AP5B1: variants seen among roughly 807,000 people sequenced by gnomAD.
AP5B1 encodes adaptor related protein complex 5 subunit beta 1.
In AP5B1, 3 loss-of-function variants were observed where a neutral mutation model predicts 5.7. The ratio of observed to expected loss-of-function variants is 0.53; its 90% confidence interval spans 0.24 to 1.36. The LOEUF (loss-of-function observed/expected upper bound fraction) is 1.36. Among genes scored for constraint, AP5B1 ranks in the 40% most tolerant of loss-of-function variants. The pLI, the probability that AP5B1 is intolerant of heterozygous loss-of-function variation, is 0.17. For synonymous variants in AP5B1, 696 were observed against 555.5 expected, an observed-to-expected ratio of 1.25 and a Z score of -3.56; for missense variants, 1,310 against 1,143.2, an observed-to-expected ratio of 1.15 and a Z score of -2.10.
At position 65,778,913 on chromosome 11, in the gene AP5B1, A is replaced by G. The variant is rs777936503; in HGVS notation, c.1580T>C (p.Val527Ala). 6.2e-6 allele frequency: 10 copies of G among 1,611,440 alleles called. No individual in the cohort carries two copies. The African/African-American group carries it at 1.1e-4, about 17-fold the overall frequency. Residue 527 changes from valine (V) to alanine (A), a missense_variant, in exon 2 of 2, where the codon GTG (valine) becomes GCG (alanine). By Grantham distance (64) the Val-to-Ala change is moderately conservative (BLOSUM62 0). Coordinates refer to ENST00000532090, the MANE Select transcript of AP5B1 (RefSeq NM_138368.5). ...EPLKVVLRQV[V>A]VSRPGRDEAL... The stretch of plus-strand genomic sequence containing the variant: ...TTCATCCCTGCCCGGCCTGGACACC[A>G]CCACCTGCCGCAACACCACCTTCAG...
rs977413057 is a variant in AP5B1 at position 65,774,122 on chromosome 11, A to G, written c.*3734T>C. Among the ~76,000 whole-genome samples the G allele has an allele frequency of 8.5e-5, 13 of 152,246 alleles. No individual in the cohort carries two copies. Among genetic ancestry groups the G allele is most frequent in the Non-Finnish European group, 1.6e-4 (11 of 68,044 alleles). ...AAAGGGATGGGGTATAACAAGTTGC[A>G]TCTGACCTCCCAACCCATCAGGGCC... On this transcript the variant is annotated 3_prime_UTR_variant, in exon 2 of 2. Transcript: ENST00000532090.
chr11:65,777,994 G>T lies in AP5B1; in HGVS notation c.2499C>A (p.His833Gln), dbSNP rs756710433. 59 of 1,611,324 alleles carry T rather than the reference G, an allele frequency of 3.7e-5. No homozygotes were observed. The highest frequency in any genetic ancestry group is 4.7e-5 in the Non-Finnish European group (56 of 1,179,354). The change falls in exon 2 of 2, where the codon CAC (histidine) becomes CAA (glutamine). Residue 833 changes from histidine (H) to glutamine (Q), a missense_variant. Physicochemically the swap from His to Gln is conservative, Grantham distance 24. Transcript: ENST00000532090. ...QPPTSYCVAI[H>Q]LPPDSKLLLR... Reference sequence around the variant, plus strand: ...GCAGCAGCTTTGAGTCCGGGGGCAGGTGGATTGCTACACAGTAGCTGGTAG... The same window carrying T: ...GCAGCAGCTTTGAGTCCGGGGGCAGTTGGATTGCTACACAGTAGCTGGTAG...
At position 65,778,969 on chromosome 11, in the gene AP5B1, C is replaced by A; in HGVS notation, c.1524G>T (p.Leu508Phe). 1 of 1,612,752 alleles carries A rather than the reference C, an allele frequency of 6.2e-7. No individual in the cohort carries two copies. Among genetic ancestry groups the A allele is most frequent in the Non-Finnish European group, 8.5e-7 (1 of 1,179,764 alleles). ...CCCTCAGCTCAGAGTCCACCTGATC[C>A]AAGAGGTCCACAAAGTGGGGAGCCA... ...PMLAPHFVDL[L>F]DQVDSELREP... is the part of the protein sequence containing the mutation. Residue 508 changes from leucine to phenylalanine, a missense_variant, in exon 2 of 2, where the codon TTG (leucine) becomes TTT (phenylalanine). Leu to Phe is a conservative substitution (Grantham distance 22). Transcript: ENST00000532090.
In AP5B1 at chr11:65,775,881, C is replaced by T. The variant is rs757428378; in HGVS notation, c.*1975G>A. On this transcript the variant is annotated 3_prime_UTR_variant, in exon 2 of 2. Coordinates refer to ENST00000532090, the MANE Select transcript of AP5B1 (RefSeq NM_138368.5). ...TCCACCTATTAACAGTACCACTGTC[C>T]CAGGCCCTTTCTTTTTTTTCTTTTT... The T allele has an allele frequency of 2.0e-5, 3 of 152,110 alleles. No homozygotes were observed. The highest frequency in any genetic ancestry group is 4.8e-5 in the African/African-American group (2 of 41,394). The allele number at this position is 152,110 out of a possible 1,614,324, so 9.4% of individuals were successfully genotyped here.
chr11:65,779,598 CCCGCAGGGCCCAGCCCAGCAG>C lies in AP5B1; in HGVS notation c.874_894del (p.Leu292_Arg298del). On this transcript the variant is annotated inframe_deletion, in exon 2 of 2. Coordinates refer to ENST00000532090, the MANE Select transcript of AP5B1 (RefSeq NM_138368.5). ...AGTGCCGGTGGCTGTCCCTGCAGAC[CCCGCAGGGCCCAGCCCAGCAG>C]CCACAGGAGCTGGGCCTGGGCCACA... The C allele has an allele frequency of 1.2e-6, 2 of 1,606,154 alleles. No individual in the cohort carries two copies. The highest frequency in any genetic ancestry group is 3.4e-5 in the Admixed American group (2 of 59,538).
rs777750328 is a variant in AP5B1 at position 65,780,351 on chromosome 11, G to A, written c.151-9C>T. 16 of 1,460,342 alleles carry A rather than the reference G, an allele frequency of 1.1e-5. No homozygotes were observed. The highest frequency in any genetic ancestry group is 1.8e-4 in the Middle Eastern group (1 of 5,642). The allele number at this position is 1,460,342 out of a possible 1,614,324, so 90.5% of individuals were successfully genotyped here. ...AGGGCCAGCAGGGAAACCTGGATGGGGGATTAGGAGGGAATCACGAAGATG... is the reference window on the plus strand; with the variant it reads ...AGGGCCAGCAGGGAAACCTGGATGGAGGATTAGGAGGGAATCACGAAGATG... On this transcript the variant is annotated splice_polypyrimidine_tract_variant and intron_variant, in intron 1 of 1. Coordinates refer to ENST00000532090, the MANE Select transcript of AP5B1 (RefSeq NM_138368.5).
chr11:65,779,803 C>G lies in AP5B1; in HGVS notation c.690G>C (p.Glu230Asp). ...CCTGGGGCTGAAGGCGTCCATCGCC[C>G]TCCTCCACTAGTGTCCAATCCCAGG... is the stretch of plus-strand genomic sequence containing the variant. ...GGPWDWTLVE[E>D]GDGRLQPQAP... Residue 230 changes from glutamate to aspartate, a missense_variant, in exon 2 of 2, where the codon GAG (glutamate) becomes GAC (aspartate). Physicochemically the swap from Glu to Asp is conservative, Grantham distance 45. Transcript: ENST00000532090. 1.3e-6 allele frequency: 2 copies of G among 1,586,080 alleles called. No homozygotes were observed.
Position 65,779,907 on chromosome 11 carries a change from T to A in AP5B1, c.586A>T (p.Thr196Ser), listed in dbSNP as rs1300588192. The change falls in exon 2 of 2, where the codon ACC becomes TCC. Residue 196 changes from threonine (T) to serine (S), a missense_variant. By Grantham distance (58) the Thr-to-Ser change is moderately conservative. Coordinates refer to ENST00000532090, the MANE Select transcript of AP5B1 (RefSeq NM_138368.5). Reference protein sequence around the residue: ...SLLLALALRNTLVLQSRVGAG... With the variant: ...SLLLALALRNSLVLQSRVGAG... ...CCAACCCGGGACTGGAGCACCAAGGTGTTGCGCAAAGCGAGGGCCAGCAAC... is the reference window on the plus strand; with the variant it reads ...CCAACCCGGGACTGGAGCACCAAGGAGTTGCGCAAAGCGAGGGCCAGCAAC... 1.9e-6 allele frequency: 3 copies of A among 1,592,604 alleles called. No individual in the cohort carries two copies. Among genetic ancestry groups the A allele is most frequent in the African/African-American group, 2.7e-5 (2 of 74,236 alleles).
chr11:65,778,478 C>G lies in AP5B1; in HGVS notation c.2015G>C (p.Arg672Pro). ...CAACACTGGGAGTGGGCCCTTGACC[C>G]GATGGGACCCCAGGCTCAGCCGTAC... The part of the protein sequence containing the change: ...ALVRLSLGSH[R>P]VKGPLPVLKL... The change falls in exon 2 of 2, where the codon CGG becomes CCG. Residue 672 changes from arginine to proline, a missense_variant. By Grantham distance (103) the Arg-to-Pro change is moderately radical. Transcript: ENST00000532090. 6.4e-7 allele frequency: 1 copy of G among 1,572,396 alleles called. No homozygotes were observed. Among genetic ancestry groups the G allele is most frequent in the Non-Finnish European group, 8.6e-7 (1 of 1,164,346 alleles).
At position 65,780,025 on chromosome 11, in the gene AP5B1, C is replaced by T; in HGVS notation, c.468G>A (p.Glu156=). ...GCAGCCCGGGCTTGCAGCTCTCTAG[C>T]TCTCGCAGGCACTCGCAGGCCGTGG... The part of the protein sequence containing the change: ...LQATACECLR[E]LESCKPGLLG... The change falls in exon 2 of 2, where the codon GAG becomes GAA. Residue 156 remains glutamate (E), a synonymous_variant. Coordinates refer to ENST00000532090, the MANE Select transcript of AP5B1 (RefSeq NM_138368.5). 5 of 1,558,096 alleles carry T rather than the reference C, an allele frequency of 3.2e-6. No homozygotes were observed. The highest frequency in any genetic ancestry group is 3.5e-6 in the Non-Finnish European group (4 of 1,151,516).
Position 65,780,675 on chromosome 11 carries a change from AG to A in AP5B1, c.-85del, listed in dbSNP as rs2135691333. ...AGCGCGGGGCCCGCTGCCGACCCCG[AG>A]GGGCTGCGGTCACCCCCAGACGCCG... On this transcript the variant is annotated 5_prime_UTR_variant, in exon 1 of 2. Coordinates refer to ENST00000532090, the MANE Select transcript of AP5B1 (RefSeq NM_138368.5). 3.9e-6 allele frequency: 5 copies of A among 1,280,494 alleles called. No homozygotes were observed. In the East Asian group the frequency reaches 1.3e-4, roughly 33 times the overall value. 79.3% of individuals were successfully genotyped at this position (1,280,494 alleles called of 1,614,324 possible).
At position 65,780,336 on chromosome 11, in the gene AP5B1, G is replaced by A. The variant is rs1016105598; in HGVS notation, c.157C>T (p.Leu53=). The A allele has an allele frequency of 6.9e-5, 102 of 1,470,270 alleles. 1 individual carries two copies. The highest frequency in any genetic ancestry group is 8.7e-5 in the Non-Finnish European group (97 of 1,111,506). The allele number at this position is 1,470,270 out of a possible 1,614,324, so 91.1% of individuals were successfully genotyped here. Residue 53 remains leucine (L), a synonymous_variant, in exon 2 of 2, where the codon CTG becomes TTG. Transcript: ENST00000532090. ...EKLSEQTKVS[L]LALSMEYPAQ... is the part of the protein sequence containing the mutation. ...GGGTACTCCATGCTCAGGGCCAGCA[G>A]GGAAACCTGGATGGGGGATTAGGAG... is the stretch of plus-strand genomic sequence containing the variant.
In AP5B1 at chr11:65,779,999, A is replaced by G. The variant is rs1327937495; in HGVS notation, c.494T>C (p.Leu165Pro). Residue 165 changes from leucine to proline, a missense_variant, in exon 2 of 2, where the codon CTG (leucine) becomes CCG (proline). By Grantham distance (98) the Leu-to-Pro change is moderately conservative (BLOSUM62 -3). Coordinates refer to ENST00000532090, the MANE Select transcript of AP5B1 (RefSeq NM_138368.5). ...CCGCAGCAACCCCAGGGAGCCCCCCAGCAGCCCGGGCTTGCAGCTCTCTAG... is the reference window on the plus strand; with the variant it reads ...CCGCAGCAACCCCAGGGAGCCCCCCGGCAGCCCGGGCTTGCAGCTCTCTAG... The part of the protein sequence containing the change: ...RELESCKPGL[L>P]GGSLGLLRGL... 2 of 1,567,036 alleles carry G rather than the reference A, an allele frequency of 1.3e-6. No homozygotes were observed. Among genetic ancestry groups the G allele is most frequent in the African/African-American group, 2.7e-5 (2 of 73,572 alleles).
In AP5B1 at chr11:65,776,461, G is replaced by C. The variant is rs1332070640; in HGVS notation, c.*1395C>G. Reference sequence around the variant, plus strand: ...CCTGCCTACGGATTTCCTCATCTGCGGGGCCCTGCAGAGCTGTTGCAAGGA... The same window carrying C: ...CCTGCCTACGGATTTCCTCATCTGCCGGGCCCTGCAGAGCTGTTGCAAGGA... On this transcript the variant is annotated 3_prime_UTR_variant, in exon 2 of 2. Coordinates refer to ENST00000532090, the MANE Select transcript of AP5B1 (RefSeq NM_138368.5). 6.6e-6 allele frequency: 1 copy of C among 152,170 alleles called. No homozygotes were observed. The highest frequency in any genetic ancestry group is 1.9e-4 in the East Asian group (1 of 5,198). The allele number at this position is 152,170 out of a possible 1,614,324, so 9.4% of individuals were successfully genotyped here.
rs1857825773 is a variant in AP5B1 at position 65,779,914 on chromosome 11, C to T, written c.579G>A (p.Leu193=). 6.3e-7 allele frequency: 1 copy of T among 1,591,172 alleles called. No homozygotes were observed. Among genetic ancestry groups the T allele is most frequent in the Non-Finnish European group, 8.6e-7 (1 of 1,168,816 alleles). ...GGGACTGGAGCACCAAGGTGTTGCG[C>T]AAAGCGAGGGCCAGCAACAGGCTGA... ...QPLSLLLALA[L]RNTLVLQSRV... Residue 193 remains leucine, a synonymous_variant, in exon 2 of 2, where the codon TTG becomes TTA. Coordinates refer to ENST00000532090, the MANE Select transcript of AP5B1 (RefSeq NM_138368.5).
rs374049050 is a variant in AP5B1 at position 65,778,563 on chromosome 11, G to A, written c.1930C>T (p.Leu644=). 69 of 1,586,260 alleles carry A rather than the reference G, an allele frequency of 4.3e-5. No homozygotes were observed. The highest frequency in any genetic ancestry group is 5.7e-5 in the Non-Finnish European group (67 of 1,168,186). The change falls in exon 2 of 2, where the codon CTG becomes TTG. Residue 644 remains leucine, a synonymous_variant. Transcript: ENST00000532090. ...ACAAAGCCCTGGTTCTCGGCCACCA[G>A]TGAAGAGGCCAGTGCAGGTGCGGCA... The part of the protein sequence containing the change: ...SLAAPALASS[L]VAENQGFVAA...
chr11:65,777,278 G>A lies in AP5B1; in HGVS notation c.*578C>T, dbSNP rs1034192873. On this transcript the variant is annotated 3_prime_UTR_variant, in exon 2 of 2. Coordinates refer to ENST00000532090, the MANE Select transcript of AP5B1 (RefSeq NM_138368.5). ...CTGCCTCCTGGGCAGAGATTCTGGA[G>A]AGCACTAGTGTGTCTGGGTGAGAAG... 1 of 152,464 alleles carries A rather than the reference G, an allele frequency of 6.6e-6. No individual in the cohort carries two copies. Among genetic ancestry groups the A allele is most frequent in the African/African-American group, 2.4e-5 (1 of 41,454 alleles). The allele number at this position is 152,464 out of a possible 1,614,324, so 9.4% of individuals were successfully genotyped here. A position where few individuals can be genotyped will look rare whatever the true frequency, so the allele number is the denominator to read the frequency against.
rs1426630893 is a variant in AP5B1, at chr11:65,777,752, C to A, written c.*104G>T. ...AACCGGGGCCCAAAAGAAAACAAGC[C>A]AGCGAGGGCACTGCGGAATGCAGGG... On this transcript the variant is annotated 3_prime_UTR_variant, in exon 2 of 2. Transcript: ENST00000532090. 7 of 1,332,188 alleles carry A rather than the reference C, an allele frequency of 5.3e-6. No individual in the cohort carries two copies. The highest frequency in any genetic ancestry group is 7.0e-6 in the Non-Finnish European group (7 of 1,007,172). 82.5% of individuals were successfully genotyped at this position (1,332,188 alleles called of 1,614,324 possible).
rs1242192034 is a variant in AP5B1, at chr11:65,778,729, C to T, written c.1764G>A (p.Val588=). The T allele has an allele frequency of 2.5e-6, 4 of 1,599,456 alleles. No individual in the cohort carries two copies. The highest frequency in any genetic ancestry group is 3.4e-6 in the Non-Finnish European group (4 of 1,174,282). ...GCAGCAAGTCGACCAGGCCGCCCCT[C>T]ACCCCTGCCCGCAGCAGCGCCCGGC... ...RVCRALLRAG[V]RGGLVDLLQV... The change falls in exon 2 of 2, where the codon GTG becomes GTA. Residue 588 remains valine, a synonymous_variant. Transcript: ENST00000532090.
Sources: allele counts gnomAD v4.1 joint callset (sites outside exome capture counted in the v4.1 genomes callset), GRCh38; gene constraint gnomAD v4.1.1; transcripts MANE v1.5; gene names NCBI Gene and HGNC (gene_info 2026-07-23, HGNC 2026-07-21).